LYZL4: variants seen among roughly 807,000 people sequenced by gnomAD.
LYZL4 encodes the protein lysozyme like 4, also known as lysozyme-like protein 4.
In LYZL4, 13 loss-of-function variants were observed where a neutral mutation model predicts 17.6. The ratio of observed to expected loss-of-function variants is 0.74; its 90% CI spans 0.48 to 1.18. The LOEUF (loss-of-function observed/expected upper bound fraction) is 1.18, where lower values mean the gene tolerates loss of function less well. Ranked by LOEUF, LYZL4 falls within the 50% of genes most tolerant of loss-of-function variation. The probability of loss-of-function intolerance (pLI) is 0.00; values close to 1 mark genes in which losing one functional copy is unlikely to be tolerated. For missense variants in LYZL4, 174 were observed against 188.2 expected (o/e 0.92, Z 0.44); for synonymous variants, 64 against 67.7 (o/e 0.95, Z 0.27).
chr3:42,407,921 C>T (rs115451136), intron 1 of LYZL4, among the ~76,000 whole-genome samples: 2,597 of 152,286 alleles, frequency 0.017, 64 homozygotes, highest in African/African-American at 0.06. Flanking sequence ...ACTAGCCAGA[C>T]AACAGACAAG....
chr3:42,384,805 G>A, the LYZL4 span, among the ~76,000 whole-genome samples: 1 of 152,016 alleles, frequency 6.6e-6, no homozygotes, highest in Non-Finnish European at 1.5e-5. Flanking sequence ...GTGTGATGAG[G>A]GTAAGGAGCA....
chr3:42,381,353 A>T, the LYZL4 span, among the ~76,000 whole-genome samples: 1 of 152,204 alleles, frequency 6.6e-6, no homozygotes, highest in Non-Finnish European at 1.5e-5. Flanking sequence ...CAATTCATCG[A>T]AAGAAAGTCA....
chr3:42,409,713 C>T (rs1698829277), intron 1 of LYZL4, among the ~76,000 whole-genome samples: 1 of 152,198 alleles, frequency 6.6e-6, no homozygotes, highest in African/African-American at 2.4e-5. Flanking sequence ...TCCCCTAAAC[C>T]CACTGCCCAC....
chr3:42,401,117 T>A (rs113780788), intron 4 of LYZL4, among the ~76,000 whole-genome samples: 1 of 152,122 alleles, frequency 6.6e-6, no homozygotes, highest in South Asian at 2.1e-4. Context: ...GGTAACTCTG[T>A]CCTTATTCAA....
At chr3:42,400,492 G>C (rs1160244944) in intron 4 of LYZL4, among the ~76,000 whole-genome samples, 1 of 152,210 alleles carries the variant, frequency 6.6e-6, no homozygotes, top group East Asian at 1.9e-4. Context: ...AGGGATTTGT[G>C]AGGATTCAAT....
In LYZL4 at chr3:42,404,132, G is replaced by C. The variant is rs1408126423; in HGVS notation, c.293-8C>G. ...AATTAGGATTCAGTAAAGCTGTGGGGAAAAGAAAATGGAAGATACCATGCT... is the reference window on the plus strand; with the variant it reads ...AATTAGGATTCAGTAAAGCTGTGGGCAAAAGAAAATGGAAGATACCATGCT... On this transcript the variant is annotated splice_polypyrimidine_tract_variant and splice_region_variant and intron_variant, in intron 3 of 4. Coordinates refer to ENST00000287748, the MANE Select transcript of LYZL4 (RefSeq NM_144634.4). 3.8e-6 allele frequency: 6 copies of C among 1,599,122 alleles called. No individual in the cohort carries two copies. The highest frequency in any genetic ancestry group is 5.1e-6 in the Non-Finnish European group (6 of 1,166,814).
the LYZL4 span, among the ~76,000 whole-genome samples, chr3:42,381,645 G>A: frequency 2.0e-5 from 3 of 152,206 alleles, no homozygotes; most frequent in African/African-American, 4.8e-5. Flanking sequence ...GGCAAAAAGT[G>A]ACCAAAAGTT....
At chr3:42,378,033 G>A in the LYZL4 span, among the ~76,000 whole-genome samples, 1 of 152,178 alleles carries the variant, frequency 6.6e-6, no homozygotes, top group African/African-American at 2.4e-5. Context: ...TGGCCAAGGG[G>A]GTGGGTATGT....
chr3:42,406,527 C>T lies in LYZL4; in HGVS notation c.292+319G>A, dbSNP rs191982042. On this transcript the variant is annotated intron_variant, in intron 3 of 4. Coordinates refer to ENST00000287748, the MANE Select transcript of LYZL4 (RefSeq NM_144634.4). ...GTGGCCGAGCGTGGGTGAAATCAGG[C>T]CAGCTGGTGCCCTCTGCTCCCGCCC... Among the ~76,000 whole-genome samples, 423 of 151,742 alleles carry T rather than the reference C, an allele frequency of 2.8e-3. 5 individuals carry two copies. The highest frequency in any genetic ancestry group is 2.3e-3 in the Non-Finnish European group (157 of 67,926).
At chr3:42,369,360 T>G in the LYZL4 span, among the ~76,000 whole-genome samples, 1 of 152,222 alleles carries the variant, frequency 6.6e-6, no homozygotes, top group East Asian at 1.9e-4. Flanking sequence ...CTCTTTTGGT[T>G]TCATATTTTG....
At chr3:42,408,305 A>ATCTAT (rs1282404648) in intron 1 of LYZL4, among the ~76,000 whole-genome samples, 4 of 152,122 alleles carry the variant, frequency 2.6e-5, no homozygotes, top group African/African-American at 9.7e-5. Flanking sequence ...ATCAGGACGA[A>ATCTAT]TCTATTAAGT....
At chr3:42,373,240 A>T in the LYZL4 span, among the ~76,000 whole-genome samples, 2 of 152,136 alleles carry the variant, frequency 1.3e-5, no homozygotes, top group Non-Finnish European at 2.9e-5. Context: ...GTTAGGATGC[A>T]AAACCTAAAA....
chr3:42,393,510 C>A (rs543725031), downstream of LYZL4, among the ~76,000 whole-genome samples: 1 of 152,164 alleles, frequency 6.6e-6, no homozygotes, highest in African/African-American at 2.4e-5. Context: ...GTGTAGCTAG[C>A]GCAGCCAGGG....
chr3:42,375,132 C>A, the LYZL4 span, among the ~76,000 whole-genome samples: 124,269 of 152,064 alleles, frequency 0.82, 51,602 homozygotes, highest in East Asian at 1. Flanking sequence ...TTTTTGGTGC[C>A]TAAAAATCAA....
chr3:42,366,742 G>A, the LYZL4 span, among the ~76,000 whole-genome samples: 1 of 152,178 alleles, frequency 6.6e-6, no homozygotes, highest in East Asian at 1.9e-4. Flanking sequence ...TTCATTAGAC[G>A]AACATGCCGA....
At chr3:42,398,396 T>C (rs1305173441) in intron 4 of LYZL4, among the ~76,000 whole-genome samples, 1 of 152,212 alleles carries the variant, frequency 6.6e-6, no homozygotes, top group African/African-American at 2.4e-5. Context: ...TTTAGTTCAT[T>C]AGGGCTTACT....
chr3:42,402,151 A>AAAAG (rs1255651726), intron 4 of LYZL4, among the ~76,000 whole-genome samples: 3 of 150,726 alleles, frequency 2.0e-5, no homozygotes, highest in African/African-American at 4.9e-5. Context: ...AAAAAAAAAA[A>AAAAG]AAAAAAGAGC....
chr3:42,365,607 C>G, the LYZL4 span, among the ~76,000 whole-genome samples: 1 of 152,142 alleles, frequency 6.6e-6, no homozygotes, highest in Non-Finnish European at 1.5e-5. Flanking sequence ...TTGCTAACAT[C>G]CCATTGGCCA....
intron 1 of LYZL4, among the ~76,000 whole-genome samples, chr3:42,409,802 A>C (rs939299577): frequency 6.6e-6 from 1 of 152,228 alleles, no homozygotes; most frequent in African/African-American, 2.4e-5. Flanking sequence ...TTGCACTTTG[A>C]ATAAGGTCCC....
Sources: allele counts gnomAD v4.1 joint callset (sites outside exome capture counted in the v4.1 genomes callset), GRCh38; gene constraint gnomAD v4.1.1; transcripts MANE v1.5; gene names NCBI Gene and HGNC (gene_info 2026-07-23, HGNC 2026-07-21).